The following TRAPPC9 variants were observed in gnomAD, a reference collection of about 807,000 sequenced individuals.
TRAPPC9 encodes IKK2 binding protein.
Under a neutral mutation model 124.0 loss-of-function variants are expected in TRAPPC9, and 83 were observed. The ratio of observed to expected loss-of-function variants is 0.67; its 90% CI spans 0.56 to 0.80. TRAPPC9 has a LOEUF of 0.80. Among genes scored for constraint, TRAPPC9 ranks in the 30% least tolerant of loss-of-function variants. The pLI is 0.00. For missense variants in TRAPPC9, 1,302 were observed against 1,508.3 expected, an observed-to-expected ratio of 0.86 and a Z score of 2.27; for synonymous variants, 638 against 617.5, an observed-to-expected ratio of 1.03 and a Z score of -0.49.
At chr8:139,818,238 C>T (rs541634244) in intron 21 of TRAPPC9, among the ~76,000 whole-genome samples, 4 of 152,230 alleles carry the variant, frequency 2.6e-5, no homozygotes, top group Non-Finnish European at 5.9e-5. Context: ...TGATGTGATC[C>T]CTCCCTCAGG....
chr8:139,923,521 C>T lies in TRAPPC9; in HGVS notation c.2811-13221G>A, dbSNP rs1216436003. On this transcript the variant is annotated intron_variant, in intron 19 of 22. Coordinates refer to ENST00000438773, the MANE Select transcript of TRAPPC9 (RefSeq NM_001160372.4). ...TTCCCAAGTTTCAGCCCCACCTCCA[C>T]CTGGCTAACCTCATCTCAGCCCCAC... Among the ~76,000 whole-genome samples, 5 of 152,220 alleles carry T rather than the reference C, an allele frequency of 3.3e-5. No homozygotes were observed. In the East Asian group the frequency reaches 9.6e-4, roughly 29 times the overall value.
chr8:140,295,111 C>T (rs1172628423), intron 11 of TRAPPC9, among the ~76,000 whole-genome samples: 1 of 152,166 alleles, frequency 6.6e-6, no homozygotes, highest in Non-Finnish European at 1.5e-5. Context: ...ATCTGTGGAC[C>T]CACGGCACCA....
At chr8:140,127,202 C>T (rs1432575072) in intron 17 of TRAPPC9, among the ~76,000 whole-genome samples, 1 of 152,154 alleles carries the variant, frequency 6.6e-6, no homozygotes, top group East Asian at 1.9e-4. Flanking sequence ...CTCAAACATG[C>T]AGGTTTGGAA....
intron 21 of TRAPPC9, among the ~76,000 whole-genome samples, chr8:139,784,166 A>G (rs1181236448): frequency 6.6e-6 from 1 of 152,264 alleles, no homozygotes; most frequent in African/African-American, 2.4e-5. Context: ...AGTTTGGAAA[A>G]GAATTAAAAT....
chr8:140,284,184 C>T (rs527996536), intron 13 of TRAPPC9, among the ~76,000 whole-genome samples, 163 bp from the exon 14 acceptor site: 30 of 152,330 alleles, frequency 2.0e-4, no homozygotes, highest in African/African-American at 6.5e-4. Context: ...CTCAACCCCA[C>T]GACCCTCACT....
intron 11 of TRAPPC9, among the ~76,000 whole-genome samples, chr8:140,297,073 C>T (rs936075706): frequency 6.6e-5 from 10 of 152,330 alleles, no homozygotes; most frequent in African/African-American, 2.2e-4. Flanking sequence ...AACGACGTCC[C>T]CAAAACACAG....
intron 21 of TRAPPC9, among the ~76,000 whole-genome samples, chr8:139,824,142 G>T (rs541725053): frequency 6.6e-6 from 1 of 152,232 alleles, no homozygotes; most frequent in Admixed American, 6.5e-5. Flanking sequence ...CAGACTCAAA[G>T]AATTTGACCA....
At position 140,260,394 on chromosome 8, in the gene TRAPPC9, G is replaced by C. The variant is rs982878049; in HGVS notation, c.2279-7465C>G. Among the ~76,000 whole-genome samples, 4 of 152,100 alleles carry C rather than the reference G, an allele frequency of 2.6e-5. No individual in the cohort carries two copies. In the South Asian group the frequency reaches 6.2e-4, roughly 24 times the overall value. The stretch of plus-strand genomic sequence containing the variant: ...GGTGAGAAGGACAACAATCAAATGG[G>C]GCATGTTTATCACTGTTGAAGTCCC... On this transcript the variant is annotated intron_variant, in intron 15 of 22. Coordinates refer to ENST00000438773, the MANE Select transcript of TRAPPC9 (RefSeq NM_001160372.4).
chr8:139,937,299 T>A (rs184499038), intron 19 of TRAPPC9, among the ~76,000 whole-genome samples: 1 of 152,166 alleles, frequency 6.6e-6, no homozygotes, highest in African/African-American at 2.4e-5. Flanking sequence ...TAGACACAGA[T>A]AGCAATATGG....
intron 16 of TRAPPC9, among the ~76,000 whole-genome samples, chr8:140,239,208 C>T (rs893797333): frequency 9.2e-5 from 14 of 152,166 alleles, no homozygotes; most frequent in African/African-American, 2.9e-4. Context: ...GACGCACCAC[C>T]CTCAGCCCCC....
chr8:139,849,744 G>C (rs1395214955), intron 21 of TRAPPC9, among the ~76,000 whole-genome samples: 1 of 152,188 alleles, frequency 6.6e-6, no homozygotes, highest in Non-Finnish European at 1.5e-5. Context: ...CTGAATTCTT[G>C]AGTTCTAAGA....
At chr8:139,830,680 T>A (rs1247840382) in intron 21 of TRAPPC9, among the ~76,000 whole-genome samples, 1 of 151,452 alleles carries the variant, frequency 6.6e-6, no homozygotes, top group Admixed American at 6.6e-5. Flanking sequence ...TGCACACACA[T>A]ACACATGCAT....
At chr8:140,411,611 G>C (rs888344961) in intron 5 of TRAPPC9, among the ~76,000 whole-genome samples, 1 of 152,086 alleles carries the variant, frequency 6.6e-6, no homozygotes, top group African/African-American at 2.4e-5. Context: ...CAAAGTGCTG[G>C]GATTACAGGT....
At chr8:139,963,748 C>CAAA (rs1835498918) in intron 19 of TRAPPC9, among the ~76,000 whole-genome samples, 1 of 54,106 alleles carries the variant, frequency 1.8e-5, no homozygotes, top group African/African-American at 9.3e-5. Flanking sequence ...ACCAGTTCTA[C>CAAA]CAAAAAAAAA....
intron 15 of TRAPPC9, among the ~76,000 whole-genome samples, chr8:140,256,781 T>C (rs2064274298): frequency 6.6e-6 from 1 of 152,156 alleles, no homozygotes; most frequent in East Asian, 1.9e-4. Flanking sequence ...CCCCTTCTTT[T>C]ACAAGTAAAG....
chr8:140,172,338 G>A (rs374205624), intron 17 of TRAPPC9, among the ~76,000 whole-genome samples: 1 of 151,898 alleles, frequency 6.6e-6, no homozygotes, highest in African/African-American at 2.4e-5. Context: ...GGACAACAGA[G>A]GAGGTTTAAA....
At chr8:140,208,314 T>C (rs2062975778) in intron 17 of TRAPPC9, among the ~76,000 whole-genome samples, 1 of 152,212 alleles carries the variant, frequency 6.6e-6, no homozygotes, top group African/African-American at 2.4e-5. Context: ...AGGATGCTTG[T>C]GGTCCAGTCC....
intron 11 of TRAPPC9, 149 bp downstream of exon 11, chr8:140,300,320 T>C (rs747437234): frequency 1.1e-5 from 11 of 1,005,980 alleles, no homozygotes; most frequent in Non-Finnish European, 1.7e-5. Flanking sequence ...TGCACACACA[T>C]ATACACACAT....
chr8:140,367,501 C>T (rs1363162933), intron 8 of TRAPPC9, among the ~76,000 whole-genome samples: 5 of 152,130 alleles, frequency 3.3e-5, no homozygotes, highest in Middle Eastern at 3.2e-3. Flanking sequence ...ATGATTCCAA[C>T]TATATGACAC....
Sources: allele counts gnomAD v4.1 joint callset (sites outside exome capture counted in the v4.1 genomes callset), GRCh38; gene constraint gnomAD v4.1.1; transcripts MANE v1.5; gene names NCBI Gene and HGNC (gene_info 2026-07-23, HGNC 2026-07-21).